BCAS1: variants seen among roughly 807,000 people sequenced by gnomAD.
BCAS1 encodes the protein brain enriched myelin associated protein 1, also known as breast carcinoma-amplified sequence 1.
A neutral mutation model predicts 65.4 loss-of-function variants in BCAS1; 46 were observed. The ratio of observed to expected loss-of-function variants is 0.70; its 90% confidence interval spans 0.55 to 0.90. The LOEUF (loss-of-function observed/expected upper bound fraction) is 0.90. Ranked by LOEUF, BCAS1 falls within the 40% of genes least tolerant of loss-of-function variation. The pLI, the probability that BCAS1 is intolerant of heterozygous loss-of-function variation, is 0.00. For synonymous variants in BCAS1, 298 were observed against 293.5 expected (o/e 1.02, Z -0.16); for missense variants, 793 against 771.2 (o/e 1.03, Z -0.33).
intron 7 of BCAS1, among the ~76,000 whole-genome samples, chr20:53,985,835 A>G (rs2090602852): frequency 6.6e-6 from 1 of 152,354 alleles, no homozygotes; most frequent in African/African-American, 2.4e-5. Flanking sequence ...AATGGTTTCA[A>G]TCAAGTTCCC....
At chr20:53,957,580 CAGT>C in intron 10 of BCAS1, 83 bp from the exon 11 acceptor site, 2 of 1,300,632 alleles carry the variant, frequency 1.5e-6, no homozygotes, top group African/African-American at 1.5e-5. Flanking sequence ...TGGATGATCT[CAGT>C]CATTTATCAT....
chr20:54,012,359 T>G (rs574728098), intron 4 of BCAS1, among the ~76,000 whole-genome samples: 1 of 152,160 alleles, frequency 6.6e-6, no homozygotes, highest in East Asian at 1.9e-4. Context: ...GTTGTGATAT[T>G]GCACTACAGG....
At chr20:54,064,571 T>C (rs1031267106) in intron 1 of BCAS1, among the ~76,000 whole-genome samples, 4 of 152,160 alleles carry the variant, frequency 2.6e-5, no homozygotes, top group African/African-American at 9.7e-5. Context: ...GCTTTCCAGC[T>C]GGTTATTCAG....
At position 54,023,996 on chromosome 20, in the gene BCAS1, T is replaced by C. The variant is rs1259303438; in HGVS notation, c.723+4396A>G. On this transcript the variant is annotated intron_variant, in intron 4 of 12. Transcript: ENST00000688948. ...TACTGGTAATAGCTAATTTCTCTTTTTCTTCTTTCAAAATGCAATTTGTGC... is the reference window on the plus strand; with the variant it reads ...TACTGGTAATAGCTAATTTCTCTTTCTCTTCTTTCAAAATGCAATTTGTGC... 3.3e-5 allele frequency among the ~76,000 whole-genome samples: 5 copies of C among 152,234 alleles called. No individual in the cohort carries two copies. In the East Asian group the frequency reaches 9.6e-4, roughly 29 times the overall value.
intron 10 of BCAS1, among the ~76,000 whole-genome samples, chr20:53,964,728 A>C (rs1036526716): frequency 2.6e-5 from 4 of 152,214 alleles, no homozygotes; most frequent in Non-Finnish European, 5.9e-5. Flanking sequence ...CTGGGGGATA[A>C]ATTTAAGTAA....
Position 53,975,371 on chromosome 20 carries a change from G to T in BCAS1, c.1317+18C>A, listed in dbSNP as rs77639544. ...AAGATGAGAATGGAATGATTCTGCC[G>T]TGGTGTGTGTAACTTACATTCTCCT... On this transcript the variant is annotated intron_variant, in intron 9 of 12. Transcript: ENST00000688948. 5 of 1,605,898 alleles carry T rather than the reference G, an allele frequency of 3.1e-6. No individual in the cohort carries two copies. The highest frequency in any genetic ancestry group is 4.3e-6 in the Non-Finnish European group (5 of 1,173,200).
At chr20:54,064,153 T>C (rs1296120948) in intron 1 of BCAS1, among the ~76,000 whole-genome samples, 1 of 152,214 alleles carries the variant, frequency 6.6e-6, no homozygotes, top group Non-Finnish European at 1.5e-5. Flanking sequence ...TGTGAGAACC[T>C]CCCACAGAGT....
At chr20:54,010,625 A>G (rs1431362890) in intron 4 of BCAS1, among the ~76,000 whole-genome samples, 1 of 152,196 alleles carries the variant, frequency 6.6e-6, no homozygotes, top group African/African-American at 2.4e-5. Flanking sequence ...CACAATGTTC[A>G]TGGATTGGAA....
intron 10 of BCAS1, among the ~76,000 whole-genome samples, chr20:53,965,518 T>C (rs2090003447): frequency 6.6e-6 from 1 of 152,278 alleles, no homozygotes; most frequent in Admixed American, 6.5e-5. Context: ...AGCTCCTGGC[T>C]GTTTAGTCAT....
Position 53,944,950 on chromosome 20 carries a change from G to T in BCAS1, c.1862C>A (p.Ser621Tyr). The change falls in exon 13 of 13, where the codon TCC (serine) becomes TAC (tyrosine). Residue 621 changes from serine to tyrosine, a missense_variant. Physicochemically the swap from Ser to Tyr is moderately radical, Grantham distance 144. Transcript: ENST00000688948. ...LDAQVQTDPV[S>Y]IGPVGKSK Reference sequence around the variant, plus strand: ...CTTGGATTTGCCAACTGGTCCGATGGATACTGGGTCTGTTTGCACTTGAGC... The same window carrying T: ...CTTGGATTTGCCAACTGGTCCGATGTATACTGGGTCTGTTTGCACTTGAGC... The T allele has an allele frequency of 6.2e-7, 1 of 1,614,104 alleles. No homozygotes were observed. Among genetic ancestry groups the T allele is most frequent in the Non-Finnish European group, 8.5e-7 (1 of 1,180,022 alleles).
chr20:53,994,940 A>T, intron 6 of BCAS1, 72 bp downstream of exon 6: 1 of 1,326,422 alleles, frequency 7.5e-7, no homozygotes, highest in Non-Finnish European at 1.1e-6. Flanking sequence ...AAAAACAAGC[A>T]GGCAGACACA....
At chr20:54,065,164 C>CTATCTATCTATCTATCT (rs56202418) in intron 1 of BCAS1, among the ~76,000 whole-genome samples, 1 of 120,920 alleles carries the variant, frequency 8.3e-6, no homozygotes, top group South Asian at 2.7e-4. Context: ...ATCTATCTAT[C>CTATCTATCTATCTATCT]ATCTACTTTA....
intron 10 of BCAS1, among the ~76,000 whole-genome samples, chr20:53,965,107 A>G (rs1483055979): frequency 2.6e-5 from 4 of 152,208 alleles, no homozygotes; most frequent in South Asian, 2.1e-4. Context: ...TCACTGCCAA[A>G]TTGCAGATCA....
chr20:54,009,526 T>A (rs1163255207), intron 4 of BCAS1, among the ~76,000 whole-genome samples: 1 of 152,178 alleles, frequency 6.6e-6, no homozygotes, highest in Non-Finnish European at 1.5e-5. Flanking sequence ...CCCAATATAA[T>A]ATAAATGATT....
chr20:54,028,525 A>T lies in BCAS1; in HGVS notation c.590T>A (p.Phe197Tyr). The change falls in exon 4 of 13, where the codon TTC (phenylalanine) becomes TAC (tyrosine). Residue 197 changes from phenylalanine (F) to tyrosine (Y), a missense_variant. Phe to Tyr is a conservative substitution (Grantham distance 22, BLOSUM62 3). Coordinates refer to ENST00000688948, the MANE Select transcript of BCAS1 (RefSeq NM_001366298.2). The part of the protein sequence containing the change: ...KPKDSSFFDK[F>Y]FKLDKGQEKV... Reference sequence around the variant, plus strand: ...TTCCTGTCCCTTGTCCAGCTTGAAGAATTTGTCAAAAAAGCTGGAGTCCTT... The same window carrying T: ...TTCCTGTCCCTTGTCCAGCTTGAAGTATTTGTCAAAAAAGCTGGAGTCCTT... 1.2e-6 allele frequency: 2 copies of T among 1,614,104 alleles called. No individual in the cohort carries two copies. Among genetic ancestry groups the T allele is most frequent in the South Asian group, 1.1e-5 (1 of 91,068 alleles).
intron 4 of BCAS1, among the ~76,000 whole-genome samples, chr20:54,010,091 C>T (rs771539616): frequency 2.2e-4 from 33 of 152,038 alleles, no homozygotes; most frequent in African/African-American, 6.5e-4. Flanking sequence ...TTGATAAAGA[C>T]GATCTACAAA....
chr20:54,005,638 G>A (rs1385392287), intron 4 of BCAS1, among the ~76,000 whole-genome samples: 1 of 152,194 alleles, frequency 6.6e-6, no homozygotes, highest in Non-Finnish European at 1.5e-5. Flanking sequence ...TGGAGGCGAG[G>A]CTCAGATGTC....
intron 4 of BCAS1, among the ~76,000 whole-genome samples, chr20:54,004,846 C>T (rs1032097069): frequency 3.3e-5 from 5 of 152,228 alleles, no homozygotes; most frequent in Non-Finnish European, 7.3e-5. Context: ...GCCATCTACA[C>T]CTCTGCAGTA....
intron 4 of BCAS1, among the ~76,000 whole-genome samples, chr20:54,011,693 T>TA (rs1309107801): frequency 6.6e-6 from 1 of 152,072 alleles, no homozygotes; most frequent in Non-Finnish European, 1.5e-5. Context: ...AGAAAACAGT[T>TA]AGACAGTTTC....
Sources: gnomAD v4.1 joint callset for allele counts (sites outside exome capture counted in the v4.1 genomes callset) on GRCh38, gnomAD v4.1.1 for gene constraint, MANE v1.5 for transcripts, NCBI Gene and HGNC (gene_info 2026-07-23, HGNC 2026-07-21) for gene names.